Variants in TMEM132C observed in about 807,000 individuals in gnomAD.
TMEM132C encodes the protein protein phosphatase 1, regulatory subunit 152.
In TMEM132C, 29 loss-of-function variants were observed where a neutral mutation model predicts 61.4. The ratio of observed to expected loss-of-function variants is 0.47; its 90% CI spans 0.35 to 0.64. The LOEUF is 0.64. TMEM132C is among the 30% of genes least tolerant of loss of function. TMEM132C has a pLI of 0.00. For missense variants in TMEM132C, 1,408 were observed against 1,476.9 expected (o/e 0.95, Z 0.76); for synonymous variants, 656 against 633.1 (o/e 1.04, Z -0.54).
intron 4 of TMEM132C, among the ~76,000 whole-genome samples, chr12:128,633,221 AG>A (rs779189660): frequency 6.6e-6 from 1 of 152,184 alleles, no homozygotes; most frequent in Non-Finnish European, 1.5e-5. Flanking sequence ...CCAGAGATCA[AG>A]GCTGCAGAGC....
intron 1 of TMEM132C, among the ~76,000 whole-genome samples, chr12:128,298,894 C>T (rs528771782): frequency 1.3e-5 from 2 of 152,324 alleles, no homozygotes; most frequent in African/African-American, 4.8e-5. Flanking sequence ...ATGTTGTCCC[C>T]ATTTAACTTG....
intron 2 of TMEM132C, among the ~76,000 whole-genome samples, chr12:128,457,242 CCAA>C (rs1178518615): frequency 1.3e-5 from 2 of 150,824 alleles, no homozygotes; most frequent in African/African-American, 4.9e-5. Flanking sequence ...GGCACTACCA[CCAA>C]CATTATTTGA....
rs1875757058 is a variant in TMEM132C at position 128,591,698 on chromosome 12, A to G, written c.1122-24454A>G. On this transcript the variant is annotated intron_variant, in intron 3 of 8. Coordinates refer to ENST00000435159, the MANE Select transcript of TMEM132C (RefSeq NM_001136103.3). ...TTCCAAAGTGGCTGCACCATTTTACATTCCCACCAGCCTGCCCCATTTGTC... is the reference window on the plus strand; with the variant it reads ...TTCCAAAGTGGCTGCACCATTTTACGTTCCCACCAGCCTGCCCCATTTGTC... 1.3e-5 allele frequency among the ~76,000 whole-genome samples: 2 copies of G among 152,248 alleles called. 1 individual carries two copies. The highest frequency in any genetic ancestry group is 2.9e-5 in the Non-Finnish European group (2 of 68,016).
chr12:128,436,330 A>AT (rs1869588212), intron 2 of TMEM132C, among the ~76,000 whole-genome samples: 1 of 152,264 alleles, frequency 6.6e-6, no homozygotes, highest in Non-Finnish European at 1.5e-5. Flanking sequence ...GCTTCTGCAC[A>AT]GCAAAAGAAA....
Position 128,705,435 on chromosome 12 carries a change from G to T in TMEM132C, c.2467G>T (p.Asp823Tyr). The change falls in exon 9 of 9, where the codon GAC becomes TAC. Residue 823 changes from aspartate to tyrosine, a missense_variant. Coordinates refer to ENST00000435159, the MANE Select transcript of TMEM132C (RefSeq NM_001136103.3). ...AGATGAGATCAAGAACCACGCCAGC[G>T]ACCGCCGGCAGAAGGGCCAGCACCA... The part of the protein sequence containing the change: ...EEDEIKNHAS[D>Y]RRQKGQHHER... 1 of 1,550,950 alleles carries T rather than the reference G, an allele frequency of 6.4e-7. No homozygotes were observed.
At chr12:128,627,714 C>T (rs1182491966) in intron 4 of TMEM132C, among the ~76,000 whole-genome samples, 3 of 152,216 alleles carry the variant, frequency 2.0e-5, no homozygotes, top group Non-Finnish European at 4.4e-5. Context: ...TGCCTTCAAC[C>T]CCAGACAGCA....
At chr12:128,337,640 C>G (rs117960940) in intron 1 of TMEM132C, among the ~76,000 whole-genome samples, 1 of 152,106 alleles carries the variant, frequency 6.6e-6, no homozygotes, top group Non-Finnish European at 1.5e-5. Flanking sequence ...GTTGCAAACC[C>G]GGGGAGGTCT....
At chr12:128,591,802 A>C (rs1401480759) in intron 3 of TMEM132C, among the ~76,000 whole-genome samples, 1 of 152,164 alleles carries the variant, frequency 6.6e-6, no homozygotes, top group Admixed American at 6.5e-5. Context: ...CTGTAATCCC[A>C]GCACTTTGGG....
In TMEM132C at chr12:128,514,912, G is replaced by A. The variant is rs116495082; in HGVS notation, c.975-29045G>A. ...TAAATGAAACCTGTAAATACAGTGA[G>A]CAGACTATTGGCTGTTGATCCTGAG... On this transcript the variant is annotated intron_variant, in intron 2 of 8. Transcript: ENST00000435159. Among the ~76,000 whole-genome samples, 767 of 152,304 alleles carry A rather than the reference G, an allele frequency of 5.0e-3. 6 individuals are homozygous for A. The highest frequency in any genetic ancestry group is 0.018 in the African/African-American group (744 of 41,580).
chr12:128,560,558 A>G (rs1281035635), intron 3 of TMEM132C, among the ~76,000 whole-genome samples: 2 of 152,180 alleles, frequency 1.3e-5, no homozygotes, highest in African/African-American at 4.8e-5. Context: ...GCTATCTGTG[A>G]CCACCATGGT....
chr12:128,434,791 T>G (rs1041515450), intron 2 of TMEM132C, among the ~76,000 whole-genome samples: 21 of 152,028 alleles, frequency 1.4e-4, no homozygotes, highest in Admixed American at 1.2e-3. Context: ...ATTTTTTATT[T>G]TTGGTATTTT....
chr12:128,426,086 C>G (rs1168171232), intron 2 of TMEM132C, among the ~76,000 whole-genome samples: 1 of 152,232 alleles, frequency 6.6e-6, no homozygotes, highest in Non-Finnish European at 1.5e-5. Flanking sequence ...TGCCCCTTGG[C>G]AACACCAGGC....
intron 4 of TMEM132C, among the ~76,000 whole-genome samples, chr12:128,667,571 C>T (rs904174104): frequency 1.3e-5 from 2 of 152,152 alleles, no homozygotes; most frequent in Non-Finnish European, 2.9e-5. Context: ...TTTAGCTGCG[C>T]CCTTGTTTAA....
rs745468989 is a variant in TMEM132C at position 128,415,876 on chromosome 12, G to T, written c.974+256G>T. On this transcript the variant is annotated intron_variant, in intron 2 of 8. Coordinates refer to ENST00000435159, the MANE Select transcript of TMEM132C (RefSeq NM_001136103.3). The surrounding 1 kb of genome is among the most constrained non-coding windows in gnomAD (Gnocchi z 5.8). ...AAAAGGAGCAAGATGAGAGTAATCC[G>T]CCTCTCTAGACCTTCAGTTATCCTC... Among the ~76,000 whole-genome samples the T allele has an allele frequency of 6.6e-6, 1 of 152,096 alleles. No homozygotes were observed. Among genetic ancestry groups the T allele is most frequent in the Non-Finnish European group, 1.5e-5 (1 of 68,018 alleles).
chr12:128,581,001 A>T (rs1437248185), intron 3 of TMEM132C, among the ~76,000 whole-genome samples: 1 of 152,002 alleles, frequency 6.6e-6, no homozygotes, highest in African/African-American at 2.4e-5. Context: ...CGGGGGGAAA[A>T]ATTGCCCTTG....
chr12:128,477,431 C>A (rs1456816232), intron 2 of TMEM132C, among the ~76,000 whole-genome samples: 1 of 152,192 alleles, frequency 6.6e-6, no homozygotes, highest in African/African-American at 2.4e-5. Context: ...AAGTCCATGG[C>A]TCAGCCCAGA....
At chr12:128,389,740 G>T (rs1419768542) in intron 1 of TMEM132C, among the ~76,000 whole-genome samples, 2 of 152,206 alleles carry the variant, frequency 1.3e-5, no homozygotes, top group Non-Finnish European at 2.9e-5. Context: ...AAAGGCAGGG[G>T]CACACTGAGT....
In TMEM132C at chr12:128,590,428, T is replaced by A. The variant is rs76811589; in HGVS notation, c.1122-25724T>A. On this transcript the variant is annotated intron_variant, in intron 3 of 8. Transcript: ENST00000435159. ...TGTGCAGGTGGAGAAAAAGAAAAGG[T>A]TGCAAATTCTCAATGCTTAGAAAAT... is the stretch of plus-strand genomic sequence containing the variant. Among the ~76,000 whole-genome samples the A allele has an allele frequency of 7.0e-3, 1,001 of 143,362 alleles. 11 individuals carry two copies. Among genetic ancestry groups the A allele is most frequent in the African/African-American group, 0.024 (957 of 40,686 alleles). The allele number at this position is 143,362 out of a possible 152,430, so 94.1% of individuals were successfully genotyped here. A position where few individuals can be genotyped will look rare whatever the true frequency, so the allele number is the denominator to read the frequency against.
intron 4 of TMEM132C, among the ~76,000 whole-genome samples, chr12:128,618,122 C>T (rs1209155824): frequency 1.3e-5 from 2 of 152,176 alleles, no homozygotes; most frequent in Non-Finnish European, 2.9e-5. Context: ...GACCTGTGTC[C>T]TAGAGCACAC....
Sources: allele counts gnomAD v4.1 joint callset (sites outside exome capture counted in the v4.1 genomes callset), GRCh38; gene constraint gnomAD v4.1.1; non-coding constraint Gnocchi (gnomAD v3.1); transcripts MANE v1.5; gene names NCBI Gene and HGNC (gene_info 2026-07-23, HGNC 2026-07-21).